Variants in COLGALT2 observed in about 807,000 individuals in gnomAD.
COLGALT2 encodes the protein collagen beta(1-O)galactosyltransferase 2.
COLGALT2 carries 49 observed loss-of-function variants against 73.4 expected under a neutral mutation model. The ratio of observed to expected loss-of-function variants is 0.67; its 90% confidence interval spans 0.53 to 0.85. COLGALT2 has a LOEUF of 0.85. Ranked by LOEUF, COLGALT2 falls within the 40% of genes least tolerant of loss-of-function variation. The pLI, the probability that COLGALT2 is intolerant of heterozygous loss-of-function variation, is 0.00. For synonymous variants in COLGALT2, 295 were observed against 307.6 expected, an observed-to-expected ratio of 0.96 and a Z score of 0.43; for missense variants, 722 against 790.2, an observed-to-expected ratio of 0.91 and a Z score of 1.03.
rs562350972 is a variant in COLGALT2, at chr1:184,013,751, G to GA, written c.263+23343_263+23344insT. Among the ~76,000 whole-genome samples the GA allele has an allele frequency of 1.6e-3, 243 of 152,094 alleles. 1 individual carries two copies. The highest frequency in any genetic ancestry group is 5.5e-3 in the African/African-American group (228 of 41,480). Reference sequence around the variant, plus strand: ...TATAATGGATGAATTGGTGGGAGGGGGGGTAAAACAGAGGGGCAGAGCAAT... The same window carrying GA: ...TATAATGGATGAATTGGTGGGAGGGGAGGGTAAAACAGAGGGGCAGAGCAAT... On this transcript the variant is annotated intron_variant, in intron 1 of 11. Transcript: ENST00000361927.
intron 11 of COLGALT2, among the ~76,000 whole-genome samples, chr1:183,939,552 A>C (rs1670053118): frequency 1.3e-5 from 2 of 152,224 alleles, no homozygotes; most frequent in Admixed American, 1.3e-4. Flanking sequence ...TGTGCAGAGT[A>C]CATGAGGTGA....
intron 1 of COLGALT2, among the ~76,000 whole-genome samples, chr1:184,006,041 T>C (rs890095721): frequency 2.6e-5 from 4 of 152,208 alleles, no homozygotes; most frequent in African/African-American, 9.6e-5. Flanking sequence ...TCCTGCTATA[T>C]TTCTCTCTCC....
chr1:184,005,674 C>T (rs1672053686), intron 1 of COLGALT2, among the ~76,000 whole-genome samples: 1 of 152,184 alleles, frequency 6.6e-6, no homozygotes, highest in Admixed American at 6.5e-5. Context: ...TCCACCAAGT[C>T]ACCAGTCATA....
chr1:183,961,132 T>A (rs758387392), intron 6 of COLGALT2, among the ~76,000 whole-genome samples: 5 of 152,236 alleles, frequency 3.3e-5, no homozygotes, highest in Non-Finnish European at 7.3e-5. Context: ...GTGTTCTATA[T>A]TTTTAGAATT....
At chr1:183,939,152 AT>A (rs1438255150) in intron 11 of COLGALT2, 115 bp from the exon 12 acceptor site, 1 of 704,472 alleles carries the variant, frequency 1.4e-6, no homozygotes, top group Admixed American at 3.0e-5. Context: ...CATTATTTCA[AT>A]TGTGTCATTT....
chr1:183,974,140 T>G (rs1671128282), intron 3 of COLGALT2, among the ~76,000 whole-genome samples: 1 of 152,340 alleles, frequency 6.6e-6, no homozygotes, highest in South Asian at 2.1e-4. Flanking sequence ...CTACTTAGCT[T>G]TTCTATAGTA....
At chr1:183,935,379 T>G (rs555270822), downstream of COLGALT2, among the ~76,000 whole-genome samples, 13 of 152,352 alleles carry the variant, frequency 8.5e-5, no homozygotes, top group African/African-American at 3.1e-4. Flanking sequence ...GTTCACAGCC[T>G]GGTTTTTGAG....
At chr1:184,034,229 C>A (rs1465012121) in intron 1 of COLGALT2, among the ~76,000 whole-genome samples, 2 of 152,074 alleles carry the variant, frequency 1.3e-5, no homozygotes, top group Non-Finnish European at 2.9e-5. Flanking sequence ...ATTAGACCTG[C>A]CACCCACTTG....
rs1669972669 is a variant in COLGALT2 at position 183,936,976 on chromosome 1, A to G, written c.*1785T>C. 8.1e-7 allele frequency: 1 copy of G among 1,231,698 alleles called. No homozygotes were observed. The allele number at this position is 1,231,698 out of a possible 1,614,324, so 76.3% of individuals were successfully genotyped here. A position where few individuals can be genotyped will look rare whatever the true frequency, so the allele number is the denominator to read the frequency against. On this transcript the variant is annotated 3_prime_UTR_variant, in exon 12 of 12. Transcript: ENST00000361927. ...GGAGATGAGGCTGCCTTGACTACCTATTTGGTGATGAGACAGCTTGGTGAT... is the reference window on the plus strand; with the variant it reads ...GGAGATGAGGCTGCCTTGACTACCTGTTTGGTGATGAGACAGCTTGGTGAT...
chr1:183,968,762 C>G (rs1279749289), intron 5 of COLGALT2, among the ~76,000 whole-genome samples: 3 of 152,144 alleles, frequency 2.0e-5, no homozygotes, highest in Non-Finnish European at 4.4e-5. Context: ...TGGGACTCCA[C>G]AATTAAGGGC....
At chr1:183,967,169 T>C (rs752971333) in intron 5 of COLGALT2, among the ~76,000 whole-genome samples, 3 of 152,272 alleles carry the variant, frequency 2.0e-5, no homozygotes, top group Admixed American at 1.3e-4. Flanking sequence ...AAATCCACAG[T>C]TGTCAAGAAA....
Position 183,936,506 on chromosome 1 carries a change from C to A in COLGALT2, c.*2255G>T, listed in dbSNP as rs1669958782. 2.0e-6 allele frequency: 2 copies of A among 1,012,128 alleles called. No individual in the cohort carries two copies. The highest frequency in any genetic ancestry group is 2.4e-6 in the Non-Finnish European group (2 of 848,034). 62.7% of individuals were successfully genotyped at this position (1,012,128 alleles called of 1,614,324 possible). A position where few individuals can be genotyped will look rare whatever the true frequency, so the allele number is the denominator to read the frequency against. On this transcript the variant is annotated 3_prime_UTR_variant, in exon 12 of 12. Coordinates refer to ENST00000361927, the MANE Select transcript of COLGALT2 (RefSeq NM_015101.4). ...ATGAGAGTTCTTAAATCTGTCAGAC[C>A]AGCTGACAGGGGAACAGGAAAAAAA...
At chr1:183,988,281 G>A (rs965244805) in intron 1 of COLGALT2, among the ~76,000 whole-genome samples, 1 of 152,118 alleles carries the variant, frequency 6.6e-6, no homozygotes, top group Non-Finnish European at 1.5e-5. Context: ...TGCAAACACC[G>A]TACATACCTC....
At chr1:183,940,227 A>G (rs1170584307) in intron 11 of COLGALT2, among the ~76,000 whole-genome samples, 1 of 152,234 alleles carries the variant, frequency 6.6e-6, no homozygotes, top group Non-Finnish European at 1.5e-5. Flanking sequence ...GACCTGAGCC[A>G]AAGGAACTGG....
At chr1:183,995,517 C>A (rs1021801144) in intron 1 of COLGALT2, among the ~76,000 whole-genome samples, 1 of 152,264 alleles carries the variant, frequency 6.6e-6, no homozygotes, top group Non-Finnish European at 1.5e-5. Flanking sequence ...CCAGAGAGTT[C>A]TTCAAGCAGG....
intron 6 of COLGALT2, 38 bp from the exon 7 acceptor site, chr1:183,954,876 T>G (rs201373411): frequency 1.5e-4 from 225 of 1,498,780 alleles, no homozygotes; most frequent in Middle Eastern, 1.2e-3. Flanking sequence ...GCTTTGTTAA[T>G]GAAAGGGTCA....
chr1:184,003,880 A>G (rs1428230294), intron 1 of COLGALT2, among the ~76,000 whole-genome samples: 2 of 152,204 alleles, frequency 1.3e-5, no homozygotes, highest in Non-Finnish European at 2.9e-5. Context: ...CTGAAAGCCC[A>G]AATCCCCACT....
intron 6 of COLGALT2, among the ~76,000 whole-genome samples, chr1:183,955,320 ATTAC>A (rs1670523576): frequency 1.3e-5 from 2 of 152,214 alleles, no homozygotes; most frequent in African/African-American, 4.8e-5. Flanking sequence ...ACTCTTAGCT[ATTAC>A]TTACTATGGC....
intron 1 of COLGALT2, among the ~76,000 whole-genome samples, chr1:184,020,474 C>A (rs1649143693): frequency 6.6e-6 from 1 of 152,160 alleles, no homozygotes; most frequent in Non-Finnish European, 1.5e-5. Context: ...AAAGACTCAG[C>A]CATACAAACC....
Sources: allele counts gnomAD v4.1 joint callset (sites outside exome capture counted in the v4.1 genomes callset), GRCh38; gene constraint gnomAD v4.1.1; transcripts MANE v1.5; gene names NCBI Gene and HGNC (gene_info 2026-07-23, HGNC 2026-07-21).